The following MEMO1 variants were observed in gnomAD, a reference collection of about 807,000 sequenced individuals.
The protein encoded by MEMO1 is protein MEMO1.
In MEMO1, 6 loss-of-function variants were observed where a neutral mutation model predicts 45.2. The observed-to-expected ratio is 0.13, with a 90% CI of 0.07 to 0.26. The LOEUF is 0.26. Ranked by LOEUF, MEMO1 falls within the 10% of genes least tolerant of loss-of-function variation. The probability of loss-of-function intolerance (pLI) is 1.00; values close to 1 mark genes in which losing one functional copy is unlikely to be tolerated. For synonymous variants in MEMO1, 78 were observed against 124.3 expected (o/e 0.63, Z 2.48); for missense variants, 184 against 370.5 (o/e 0.50, Z 4.13).
At chr2:31,931,905 A>G (rs1463205029) in intron 4 of MEMO1, among the ~76,000 whole-genome samples, 162 bp downstream of exon 4, 1 of 152,204 alleles carries the variant, frequency 6.6e-6, no homozygotes, top group Non-Finnish European at 1.5e-5. Context: ...GAAGTATTGA[A>G]GTTTTCAGTA....
At chr2:31,889,596 T>C (rs1000963115) in intron 7 of MEMO1, among the ~76,000 whole-genome samples, 1 of 152,062 alleles carries the variant, frequency 6.6e-6, no homozygotes, top group African/African-American at 2.4e-5. Context: ...GGTCAATAAT[T>C]CATAATACTT....
chr2:31,973,456 G>T (rs1418604995), intron 2 of MEMO1, among the ~76,000 whole-genome samples: 1 of 150,696 alleles, frequency 6.6e-6, no homozygotes, highest in East Asian at 1.9e-4. Flanking sequence ...TCTGTCTCGG[G>T]AAGAGAAAAA....
intron 2 of MEMO1, among the ~76,000 whole-genome samples, chr2:31,969,586 GGTGTGTGTGT>G (rs367639470): frequency 0.01 from 1,244 of 119,244 alleles, 13 homozygotes; most frequent in Admixed American, 0.014. Flanking sequence ...TGTGTGTGTG[GGTGTGTGTGT>G]GTGTGTGTGT....
At chr2:31,903,554 T>G (rs1290684231) in intron 6 of MEMO1, among the ~76,000 whole-genome samples, 1 of 152,184 alleles carries the variant, frequency 6.6e-6, no homozygotes, top group Non-Finnish European at 1.5e-5. Flanking sequence ...ACTGAAACTA[T>G]TCCATTACCA....
At chr2:31,961,586 G>C (rs1218791230) in intron 2 of MEMO1, among the ~76,000 whole-genome samples, 2 of 150,836 alleles carry the variant, frequency 1.3e-5, no homozygotes, top group Non-Finnish European at 3.0e-5. Context: ...AACACAGTGA[G>C]ACTCTGTCTC....
rs1319408745 is a variant in MEMO1 at position 31,934,611 on chromosome 2, T to C, written c.144-2476A>G. 2.0e-5 allele frequency among the ~76,000 whole-genome samples: 3 copies of C among 151,756 alleles called. No homozygotes were observed. In the East Asian group the frequency reaches 5.8e-4, roughly 29 times the overall value. ...GAACATGAGCAAATGTCCAAGTACA[T>C]AAGGTAGATGAGAAAATACAAGACA... On this transcript the variant is annotated intron_variant, in intron 3 of 9. Transcript: ENST00000404530.
intron 2 of MEMO1, among the ~76,000 whole-genome samples, chr2:31,972,577 A>G (rs1205701134): frequency 6.6e-6 from 1 of 151,922 alleles, no homozygotes. Flanking sequence ...CAGGCATAGT[A>G]GTGTGCACCT....
At chr2:31,952,334 A>C (rs1469741333) in intron 2 of MEMO1, among the ~76,000 whole-genome samples, 1 of 152,178 alleles carries the variant, frequency 6.6e-6, no homozygotes, top group African/African-American at 2.4e-5. Context: ...ATCCCAATAA[A>C]TAATCTTTAG....
intron 8 of MEMO1, among the ~76,000 whole-genome samples, chr2:31,880,380 G>A (rs1455753679): frequency 6.6e-6 from 1 of 152,036 alleles, no homozygotes; most frequent in Non-Finnish European, 1.5e-5. Flanking sequence ...GACAATAATT[G>A]GATTTAAAGT....
At chr2:32,008,971 C>T (rs1268104099) in intron 2 of MEMO1, among the ~76,000 whole-genome samples, 2 of 152,114 alleles carry the variant, frequency 1.3e-5, no homozygotes, top group Non-Finnish European at 2.9e-5. Context: ...AAACATGATC[C>T]GATTCACCTC....
intron 9 of MEMO1, among the ~76,000 whole-genome samples, chr2:31,869,371 T>TAG (rs1673328100): frequency 6.6e-6 from 1 of 152,182 alleles, no homozygotes; most frequent in Non-Finnish European, 1.5e-5. Context: ...CTTCTGACTC[T>TAG]TACCATTCCT....
At chr2:31,969,537 C>T (rs1669061246) in intron 2 of MEMO1, among the ~76,000 whole-genome samples, 1 of 149,518 alleles carries the variant, frequency 6.7e-6, no homozygotes, top group Non-Finnish European at 1.5e-5. Flanking sequence ...CTTATTTCAG[C>T]TTTATATTTA....
intron 3 of MEMO1, 92 bp downstream of exon 3, chr2:31,943,210 A>G: frequency 1.1e-6 from 1 of 926,880 alleles, no homozygotes; most frequent in Admixed American, 1.8e-5. Context: ...GGTTGCAGTG[A>G]GCCGAGACCA....
chr2:31,972,949 A>G lies in MEMO1; in HGVS notation c.62-29566T>C, dbSNP rs190186881. Among the ~76,000 whole-genome samples, 277 of 152,302 alleles carry G rather than the reference A, an allele frequency of 1.8e-3. 2 individuals carry two copies. The highest frequency in any genetic ancestry group is 6.4e-3 in the African/African-American group (268 of 41,570). On this transcript the variant is annotated intron_variant, in intron 2 of 9. Transcript: ENST00000404530. The stretch of plus-strand genomic sequence containing the variant: ...TCATGGAAATGTAAATCAAACCACA[A>G]TGAGCTACCACTTCATACCTACTAG...
chr2:31,877,202 G>A (rs766313568), intron 8 of MEMO1, among the ~76,000 whole-genome samples: 26 of 152,298 alleles, frequency 1.7e-4, no homozygotes, highest in Non-Finnish European at 2.8e-4. Context: ...TGAAGCTTAC[G>A]TAATCCAGTG....
intron 8 of MEMO1, among the ~76,000 whole-genome samples, chr2:31,870,899 A>G (rs914886904): frequency 6.6e-6 from 1 of 152,104 alleles, no homozygotes; most frequent in Non-Finnish European, 1.5e-5. Context: ...TCTCTTATGA[A>G]CAAGATTAAT....
At chr2:31,932,445 T>A (rs147744029) in intron 3 of MEMO1, among the ~76,000 whole-genome samples, 465 of 135,320 alleles carry the variant, frequency 3.4e-3, no homozygotes, top group African/African-American at 0.013. Context: ...TTTGTTGTTG[T>A]TTTTTTTTTT....
At chr2:31,869,819 A>G (rs1673409578) in intron 9 of MEMO1, 29 bp downstream of exon 9, 2 of 1,565,236 alleles carry the variant, frequency 1.3e-6, no homozygotes, top group African/African-American at 1.4e-5. Flanking sequence ...ACCAAATGTT[A>G]AAAGTCAAGG....
At chr2:31,942,537 C>T (rs574675045) in intron 3 of MEMO1, among the ~76,000 whole-genome samples, 1 of 151,844 alleles carries the variant, frequency 6.6e-6, no homozygotes, top group Non-Finnish European at 1.5e-5. Flanking sequence ...GAGATAGGGC[C>T]TCACTGTCAC....
Sources: allele counts gnomAD v4.1 joint callset (sites outside exome capture counted in the v4.1 genomes callset), GRCh38; gene constraint gnomAD v4.1.1; transcripts MANE v1.5; gene names NCBI Gene and HGNC (gene_info 2026-07-23, HGNC 2026-07-21).